HUNK: variants seen among roughly 807,000 people sequenced by gnomAD.
HUNK encodes the protein hormonally up-regulated neu tumor-associated kinase.
Under a neutral mutation model 61.0 loss-of-function variants are expected in HUNK, and 21 were observed. The observed-to-expected ratio is 0.34, with a 90% CI of 0.24 to 0.50. The LOEUF (loss-of-function observed/expected upper bound fraction) is 0.50. Ranked by LOEUF, HUNK falls within the 20% of genes least tolerant of loss-of-function variation. HUNK has a pLI of 0.98. For missense variants in HUNK, 772 were observed against 945.7 expected, an observed-to-expected ratio of 0.82 and a Z score of 2.41; for synonymous variants, 371 against 386.1, an observed-to-expected ratio of 0.96 and a Z score of 0.46.
chr21:31,924,854 A>C lies in HUNK; in HGVS notation c.554+94A>C, dbSNP rs1802529350. The C allele has an allele frequency of 1.1e-6, 1 of 923,960 alleles. No individual in the cohort carries two copies. Among genetic ancestry groups the C allele is most frequent in the African/African-American group, 1.7e-5 (1 of 60,536 alleles). 57.2% of individuals were successfully genotyped at this position (923,960 alleles called of 1,614,324 possible). A position where few individuals can be genotyped will look rare whatever the true frequency, so the allele number is the denominator to read the frequency against. On this transcript the variant is annotated intron_variant, in intron 2 of 10. Transcript: ENST00000270112. The surrounding 1 kb of genome is among the most constrained non-coding windows in gnomAD (Gnocchi z 5.1). The stretch of plus-strand genomic sequence containing the variant: ...TCTGAGCCTCTGAGAAAGGCTGAGC[A>C]ATTGCAGCCTGTTTTACAATTTGTC...
intron 1 of HUNK, among the ~76,000 whole-genome samples, chr21:31,904,514 C>T (rs890105394): frequency 6.6e-6 from 1 of 152,160 alleles, no homozygotes; most frequent in African/African-American, 2.4e-5. Context: ...TTTAGAAAGT[C>T]ATAAGCTGGG....
At chr21:31,958,285 ACTTTCTTT>A (rs370819225) in intron 4 of HUNK, among the ~76,000 whole-genome samples, 1 of 149,110 alleles carries the variant, frequency 6.7e-6, no homozygotes, top group Non-Finnish European at 1.5e-5. Context: ...CTCACCCAAG[ACTTTCTTT>A]CTTTCTTTCT....
chr21:31,916,677 T>C (rs575296310), intron 1 of HUNK, among the ~76,000 whole-genome samples: 1 of 151,004 alleles, frequency 6.6e-6, no homozygotes, highest in Admixed American at 6.6e-5. Context: ...TCCTCTCTCT[T>C]TCTTTTTTTT....
intron 1 of HUNK, among the ~76,000 whole-genome samples, chr21:31,880,510 C>T (rs896323998): frequency 6.6e-6 from 1 of 152,164 alleles, no homozygotes; most frequent in African/African-American, 2.4e-5. Flanking sequence ...ATGACTGCAG[C>T]GCTCTGTCTC....
intron 1 of HUNK, among the ~76,000 whole-genome samples, chr21:31,888,818 GTA>G (rs952112256): frequency 6.6e-6 from 1 of 151,212 alleles, no homozygotes; most frequent in African/African-American, 2.4e-5. Flanking sequence ...ATGTATGTGT[GTA>G]TATATATATA....
At chr21:31,945,786 C>A (rs116296403) in intron 3 of HUNK, among the ~76,000 whole-genome samples, 2,632 of 151,880 alleles carry the variant, frequency 0.017, 80 homozygotes, top group African/African-American at 0.06. Context: ...ACTGTTTGCT[C>A]TAACTGGCTT....
At chr21:31,905,375 A>T (rs1273575542) in intron 1 of HUNK, among the ~76,000 whole-genome samples, 1 of 152,232 alleles carries the variant, frequency 6.6e-6, no homozygotes, top group Non-Finnish European at 1.5e-5. Flanking sequence ...TAAGCCACAC[A>T]GTCGGTGATA....
rs1349906312 is a variant in HUNK at position 31,873,780 on chromosome 21, T to G, written c.106T>G (p.Phe36Val). 2 of 1,524,190 alleles carry G rather than the reference T, an allele frequency of 1.3e-6. No individual in the cohort carries two copies. The highest frequency in any genetic ancestry group is 2.9e-5 in the African/African-American group (2 of 70,120). The allele number at this position is 1,524,190 out of a possible 1,614,324, so 94.4% of individuals were successfully genotyped here. A position where few individuals can be genotyped will look rare whatever the true frequency, so the allele number is the denominator to read the frequency against. The change falls in exon 1 of 11, where the codon TTC becomes GTC. Residue 36 changes from phenylalanine (F) to valine (V), a missense_variant. Physicochemically the swap from Phe to Val is conservative, Grantham distance 50. Around this residue, in one of 2 missense-constraint regions of HUNK, gnomAD observed 359 missense variants for 501.3 expected, o/e 0.72. Coordinates refer to ENST00000270112, the MANE Select transcript of HUNK (RefSeq NM_014586.2). The surrounding 1 kb of genome is among the most constrained non-coding windows in gnomAD (Gnocchi z 6.1). ...GCCCGCGGCGGCCTGCGAGGGAAGT[T>G]TCCTGCCTGCCTGGGTGAGCGGCGT... Reference protein sequence around the residue: ...ARPAAACEGSFLPAWVSGVPR... With the variant: ...ARPAAACEGSVLPAWVSGVPR...
intron 1 of HUNK, among the ~76,000 whole-genome samples, chr21:31,918,200 G>T (rs1490051083): frequency 1.3e-5 from 2 of 150,240 alleles, no homozygotes; most frequent in African/African-American, 5.1e-5. Flanking sequence ...TTCCATTTCA[G>T]TATTATCAAC....
intron 1 of HUNK, among the ~76,000 whole-genome samples, chr21:31,894,727 G>C (rs1409580962): frequency 6.6e-6 from 1 of 152,178 alleles, no homozygotes; most frequent in African/African-American, 2.4e-5. Flanking sequence ...AATGGATGCA[G>C]CTGCAAGGTG....
chr21:31,974,700 G>C lies in HUNK; in HGVS notation c.1156G>C (p.Glu386Gln), dbSNP rs1418531510. 4 of 1,613,566 alleles carry C rather than the reference G, an allele frequency of 2.5e-6. No individual in the cohort carries two copies. Among genetic ancestry groups the C allele is most frequent in the Non-Finnish European group, 3.4e-6 (4 of 1,179,744 alleles). ...AIYFLLNKKL[E>Q]RYLSGKSDIQ... is the part of the protein sequence containing the mutation. ...CTACTTCCTCTTAAACAAGAAACTG[G>C]AGCGCTATTTGTCAGGGGTAAGTGC... Residue 386 changes from glutamate to glutamine, a missense_variant, in exon 7 of 11, where the codon GAG becomes CAG. Physicochemically the swap from Glu to Gln is conservative, Grantham distance 29 (BLOSUM62 2). Around this residue, in one of 2 missense-constraint regions of HUNK, gnomAD observed 413 missense variants for 444.4 expected, o/e 0.93. Coordinates refer to ENST00000270112, the MANE Select transcript of HUNK (RefSeq NM_014586.2).
At chr21:31,898,296 G>A (rs1057330392) in intron 1 of HUNK, among the ~76,000 whole-genome samples, 4 of 152,038 alleles carry the variant, frequency 2.6e-5, no homozygotes, top group Non-Finnish European at 5.9e-5. Flanking sequence ...ACGTAGTTTC[G>A]CTCTTGTTGC....
chr21:31,940,088 T>C, intron 2 of HUNK, 77 bp from the exon 3 acceptor site: 1 of 1,218,490 alleles, frequency 8.2e-7, no homozygotes, highest in Non-Finnish European at 1.2e-6. Context: ...AAACAGTTCA[T>C]TTCCCTTCAG....
At chr21:31,966,754 A>C (rs1420816747) in intron 5 of HUNK, among the ~76,000 whole-genome samples, 1 of 152,194 alleles carries the variant, frequency 6.6e-6, no homozygotes, top group Non-Finnish European at 1.5e-5. Context: ...ACTTTAGAAA[A>C]CTGAAAAAAT....
chr21:31,985,848 A>T (rs541498968), intron 8 of HUNK, among the ~76,000 whole-genome samples: 1 of 152,278 alleles, frequency 6.6e-6, no homozygotes, highest in South Asian at 2.1e-4. Flanking sequence ...TCCGTCAGTG[A>T]CACTGCAGTG....
intron 9 of HUNK, among the ~76,000 whole-genome samples, chr21:31,992,967 T>C (rs2053181190): frequency 6.6e-6 from 1 of 152,188 alleles, no homozygotes; most frequent in Admixed American, 6.5e-5. Context: ...CCAGTTACTA[T>C]GAAATCACTG....
chr21:31,915,140 C>T (rs1239365281), intron 1 of HUNK, among the ~76,000 whole-genome samples: 2 of 151,296 alleles, frequency 1.3e-5, no homozygotes, highest in Non-Finnish European at 2.9e-5. Flanking sequence ...CTACAGGTGT[C>T]GTGTTGATGC....
At position 32,000,818 on chromosome 21, in the gene HUNK, A is replaced by G. The variant is rs1360501799; in HGVS notation, c.*1634A>G. 5.0e-6 allele frequency: 2 copies of G among 398,212 alleles called. No individual in the cohort carries two copies. Among genetic ancestry groups the G allele is most frequent in the African/African-American group, 4.1e-5 (2 of 48,634 alleles). The allele number at this position is 398,212 out of a possible 1,614,324, so 24.7% of individuals were successfully genotyped here. ...TCACATCTCTGACAGAGCGGGACAG[A>G]ATGGATATTTGGCTGACCTTGGTGA... On this transcript the variant is annotated 3_prime_UTR_variant, in exon 11 of 11. Coordinates refer to ENST00000270112, the MANE Select transcript of HUNK (RefSeq NM_014586.2).
At chr21:31,956,665 G>A (rs982453966) in intron 4 of HUNK, among the ~76,000 whole-genome samples, 5 of 152,044 alleles carry the variant, frequency 3.3e-5, no homozygotes, top group Non-Finnish European at 2.9e-5. Flanking sequence ...CACCTGGCAC[G>A]TGCCCTTCAA....
Sources: gnomAD v4.1 joint callset for allele counts (sites outside exome capture counted in the v4.1 genomes callset) on GRCh38, gnomAD v4.1.1 for gene constraint, gnomAD v4.1.1 regional missense constraint, Gnocchi (gnomAD v3.1) non-coding constraint, MANE v1.5 for transcripts, NCBI Gene and HGNC (gene_info 2026-07-23, HGNC 2026-07-21) for gene names.